DNAI7: variants seen among roughly 807,000 people sequenced by gnomAD.
DNAI7 encodes the protein dynein axonemal intermediate chain 7.
Under a neutral mutation model 86.6 loss-of-function variants are expected in DNAI7, and 78 were observed. The observed-to-expected ratio is 0.90, with a 90% confidence interval of 0.75 to 1.09. The LOEUF is 1.09. DNAI7 is among the 50% of genes least tolerant of loss of function. DNAI7 has a pLI of 0.00. For missense variants in DNAI7, 753 were observed against 810.2 expected (o/e 0.93, Z 0.86); for synonymous variants, 274 against 273.0 (o/e 1.00, Z -0.04).
chr12:25,173,803 CACATCATATATAT>C (rs1192344285), intron 2 of DNAI7, among the ~76,000 whole-genome samples: 2 of 150,700 alleles, frequency 1.3e-5, no homozygotes, highest in African/African-American at 4.9e-5. Flanking sequence ...TATATACACA[CACATCATATATAT>C]ACATCATATA....
At chr12:25,148,384 C>G (rs1045342599) in intron 7 of DNAI7, among the ~76,000 whole-genome samples, 1 of 152,164 alleles carries the variant, frequency 6.6e-6, no homozygotes, top group South Asian at 2.1e-4. Context: ...TGAACTTGAT[C>G]GCTTGCTTAA....
At chr12:25,133,699 T>C (rs1056851638) in intron 9 of DNAI7, among the ~76,000 whole-genome samples, 2 of 152,184 alleles carry the variant, frequency 1.3e-5, no homozygotes, top group African/African-American at 4.8e-5. Flanking sequence ...AGAGCACAGA[T>C]ACATAAGCAT....
chr12:25,187,068 G>A (rs11833781), intron 2 of DNAI7, among the ~76,000 whole-genome samples: 14,999 of 152,132 alleles, frequency 0.099, 2,264 homozygotes, highest in African/African-American at 0.33. Context: ...CCACTTTTCT[G>A]TTTACAACTT....
Position 25,108,390 on chromosome 12 carries a change from C to CTGT in DNAI7, c.*155_*157dup. On this transcript the variant is annotated 3_prime_UTR_variant, in exon 16 of 16. Coordinates refer to ENST00000395987, the MANE Select transcript of DNAI7 (RefSeq NM_018272.5). ...CAAGTATTCAAAGGAAAAAAAAATA[C>CTGT]TGTTTTTAAAATAAAACTTGAGTAG... 1 of 653,662 alleles carries CTGT rather than the reference C, an allele frequency of 1.5e-6. No homozygotes were observed. Among genetic ancestry groups the CTGT allele is most frequent in the Non-Finnish European group, 2.4e-6 (1 of 415,710 alleles). The allele number at this position is 653,662 out of a possible 1,614,324, so 40.5% of individuals were successfully genotyped here. A position where few individuals can be genotyped will look rare whatever the true frequency, so the allele number is the denominator to read the frequency against.
intron 3 of DNAI7, among the ~76,000 whole-genome samples, chr12:25,160,006 C>T (rs1946656597): frequency 6.6e-6 from 1 of 152,050 alleles, no homozygotes; most frequent in Non-Finnish European, 1.5e-5. Context: ...AAAATTTAGG[C>T]TGCTCTATGT....
chr12:25,121,855 C>G lies in DNAI7; in HGVS notation c.1137G>C (p.Val379=). The change falls in exon 11 of 16, where the codon GTG becomes GTC. Residue 379 remains valine, a synonymous_variant. Transcript: ENST00000395987. ...GAGTTGTGAACTGGCATAAATCCACCACATTGTCTTCAAAGAAATCTGGCT... is the reference window on the plus strand; with the variant it reads ...GAGTTGTGAACTGGCATAAATCCACGACATTGTCTTCAAAGAAATCTGGCT... ...SEKPDFFEDN[V]VDLCQFTTLG... 1.3e-6 allele frequency: 2 copies of G among 1,595,306 alleles called. No homozygotes were observed. Among genetic ancestry groups the G allele is most frequent in the South Asian group, 2.3e-5 (2 of 86,540 alleles).
intron 2 of DNAI7, among the ~76,000 whole-genome samples, chr12:25,173,334 A>C (rs1353237593): frequency 6.6e-6 from 1 of 152,194 alleles, no homozygotes. Flanking sequence ...AATGGCCAAT[A>C]AACATATGAA....
chr12:25,155,553 T>C lies in DNAI7; in HGVS notation c.199-141A>G, dbSNP rs560602946. ...AAAATTAGTTTGAATATAACTGATATCTCCAAAAGGTTTCATCTGAAACAG... is the reference window on the plus strand; with the variant it reads ...AAAATTAGTTTGAATATAACTGATACCTCCAAAAGGTTTCATCTGAAACAG... On this transcript the variant is annotated intron_variant, in intron 4 of 15. Transcript: ENST00000395987. 6 of 489,564 alleles carry C rather than the reference T, an allele frequency of 1.2e-5. No homozygotes were observed. In the East Asian group the frequency reaches 2.0e-4, roughly 16 times the overall value. 30.3% of individuals were successfully genotyped at this position (489,564 alleles called of 1,614,324 possible).
chr12:25,166,028 T>C (rs1048393584), intron 2 of DNAI7, among the ~76,000 whole-genome samples: 1 of 152,070 alleles, frequency 6.6e-6, no homozygotes, highest in East Asian at 1.9e-4. Context: ...TATCTCCCCA[T>C]CTTAACCCAC....
chr12:25,173,884 T>A (rs1488211640), intron 2 of DNAI7, among the ~76,000 whole-genome samples: 1 of 94,540 alleles, frequency 1.1e-5, no homozygotes, highest in Non-Finnish European at 2.1e-5. Context: ...TATATACACA[T>A]CATTCATATA....
Position 25,108,450 on chromosome 12 carries a change from T to G in DNAI7, c.*98A>C. ...ATTAGAAAATTTTTAATAGTTGATT[T>G]GAAATGTATTCATTCACTCATTACA... is the stretch of plus-strand genomic sequence containing the variant. On this transcript the variant is annotated 3_prime_UTR_variant, in exon 16 of 16. Coordinates refer to ENST00000395987, the MANE Select transcript of DNAI7 (RefSeq NM_018272.5). 2.0e-6 allele frequency: 2 copies of G among 993,928 alleles called. No homozygotes were observed. The highest frequency in any genetic ancestry group is 2.8e-6 in the Non-Finnish European group (2 of 709,988). The allele number at this position is 993,928 out of a possible 1,614,324, so 61.6% of individuals were successfully genotyped here. A position where few individuals can be genotyped will look rare whatever the true frequency, so the allele number is the denominator to read the frequency against.
chr12:25,142,384 A>G (rs1944312059), intron 9 of DNAI7, among the ~76,000 whole-genome samples: 1 of 151,896 alleles, frequency 6.6e-6, no homozygotes, highest in Non-Finnish European at 1.5e-5. Flanking sequence ...AGACTACACA[A>G]TGGGTAGTGT....
intron 9 of DNAI7, among the ~76,000 whole-genome samples, chr12:25,131,217 T>TAA (rs1942884652): frequency 6.6e-6 from 1 of 150,380 alleles, no homozygotes. Flanking sequence ...ATCCAAAACA[T>TAA]AGTTAAGTTT....
At chr12:25,131,642 C>T (rs1277447378) in intron 9 of DNAI7, among the ~76,000 whole-genome samples, 1 of 152,164 alleles carries the variant, frequency 6.6e-6, no homozygotes, top group Non-Finnish European at 1.5e-5. Flanking sequence ...TGATCTCCAG[C>T]ACACCCAACT....
chr12:25,123,824 T>C (rs1941681715), intron 9 of DNAI7, among the ~76,000 whole-genome samples: 1 of 152,184 alleles, frequency 6.6e-6, no homozygotes, highest in African/African-American at 2.4e-5. Flanking sequence ...ATTTAACTAT[T>C]ATGAGCCTCA....
Position 25,173,980 on chromosome 12 carries a change from T to A in DNAI7, c.22-12783A>T, listed in dbSNP as rs1220761572. ...ATATCATATATATGGAATACATATATCATATACATGGAATACATATATCAT... is the reference window on the plus strand; with the variant it reads ...ATATCATATATATGGAATACATATAACATATACATGGAATACATATATCAT... On this transcript the variant is annotated intron_variant, in intron 2 of 15. Coordinates refer to ENST00000395987, the MANE Select transcript of DNAI7 (RefSeq NM_018272.5). Among the ~76,000 whole-genome samples, 8 of 148,874 alleles carry A rather than the reference T, an allele frequency of 5.4e-5. No individual in the cohort carries two copies. The South Asian group carries it at 1.7e-3, about 31-fold the overall frequency.
In DNAI7 at chr12:25,115,626, ATAC is replaced by A. The variant is rs374407714; in HGVS notation, c.1397-759_1397-757del. Among the ~76,000 whole-genome samples the A allele has an allele frequency of 1.4e-3, 210 of 152,372 alleles. 3 individuals carry two copies. The highest frequency in any genetic ancestry group is 4.9e-3 in the African/African-American group (202 of 41,596). On this transcript the variant is annotated intron_variant, in intron 12 of 15. Coordinates refer to ENST00000395987, the MANE Select transcript of DNAI7 (RefSeq NM_018272.5). ...GGAAATAAATTAAAACTACAATGGA[ATAC>A]TACTTCACACCCACTAGAATGGCTA... is the stretch of plus-strand genomic sequence containing the variant.
chr12:25,132,221 T>C (rs925427234), intron 9 of DNAI7, among the ~76,000 whole-genome samples: 10 of 152,036 alleles, frequency 6.6e-5, no homozygotes, highest in African/African-American at 1.9e-4. Flanking sequence ...AATAACACAA[T>C]AGAGTATAGA....
At chr12:25,109,373 G>A (rs1416076875) in intron 15 of DNAI7, among the ~76,000 whole-genome samples, 1 of 152,076 alleles carries the variant, frequency 6.6e-6, no homozygotes, top group East Asian at 1.9e-4. Flanking sequence ...ATATATTAAT[G>A]TTAAAAGCCT....
Sources: allele counts gnomAD v4.1 joint callset (sites outside exome capture counted in the v4.1 genomes callset), GRCh38; gene constraint gnomAD v4.1.1; transcripts MANE v1.5; gene names NCBI Gene and HGNC (gene_info 2026-07-23, HGNC 2026-07-21).